The following DMD variants were observed in gnomAD, a reference collection of about 807,000 sequenced individuals.
DMD encodes mutant dystrophin.
DMD carries 63 observed loss-of-function variants against 330.1 expected under a neutral mutation model. The observed-to-expected ratio is 0.19, with a 90% confidence interval of 0.16 to 0.24. The LOEUF is 0.24. DMD is among the 10% of genes least tolerant of loss of function. The probability of loss-of-function intolerance (pLI) is 1.00; values close to 1 mark genes in which losing one functional copy is unlikely to be tolerated. For missense variants in DMD, 3,344 were observed against 2,684.1 expected (o/e 1.25, Z -5.43); for synonymous variants, 1,223 against 959.8 (o/e 1.27, Z -5.07).
intron 77 of DMD, among the ~76,000 whole-genome samples, chrX:31,129,676 A>G (rs2034222052): frequency 8.9e-6 from 1 of 111,803 alleles, no homozygotes; most frequent in Non-Finnish European, 1.9e-5. Flanking sequence ...AAAAACAGGT[A>G]TTGGGCCAGA....
At chrX:33,051,641 G>A in intron 1 of DMD, among the ~76,000 whole-genome samples, 1 of 87,521 alleles carries the variant, frequency 1.1e-5, no homozygotes, top group East Asian at 3.5e-4. Flanking sequence ...ATATAATTAC[G>A]CTCTATTTTT....
chrX:32,677,300 A>C (rs760632306), intron 9 of DMD, among the ~76,000 whole-genome samples: 43 of 111,484 alleles, frequency 3.9e-4, no homozygotes, highest in African/African-American at 1.4e-3. Context: ...TTTATATCTT[A>C]ACTTTGTAGT....
intron 2 of DMD, among the ~76,000 whole-genome samples, chrX:33,017,823 T>C (rs2093832902): frequency 9.0e-6 from 1 of 111,680 alleles, no homozygotes; most frequent in African/African-American, 3.3e-5. Flanking sequence ...CAAATAACTG[T>C]GTAGGTTCCA....
intron 16 of DMD, among the ~76,000 whole-genome samples, chrX:32,563,096 T>C (rs1037837808): frequency 9.0e-5 from 10 of 110,498 alleles, no homozygotes; most frequent in Non-Finnish European, 1.3e-4. Context: ...ATCTCAGCAC[T>C]TTGGGAGGCC....
At chrX:32,517,849 T>G in intron 18 of DMD, 159 bp downstream of exon 18, 1 of 603,746 alleles carries the variant, frequency 1.7e-6, no homozygotes, top group Non-Finnish European at 2.6e-6. Context: ...GGCTAAACTT[T>G]GATTTTGCTT....
At chrX:33,027,727 A>G (rs142308478) in intron 1 of DMD, among the ~76,000 whole-genome samples, 38 of 112,089 alleles carry the variant, frequency 3.4e-4, no homozygotes, top group Admixed American at 3.1e-3. Flanking sequence ...CAGTCATGTG[A>G]CAATCATATA....
chrX:32,746,477 C>CT (rs1321536231), intron 7 of DMD, among the ~76,000 whole-genome samples: 1 of 111,705 alleles, frequency 9.0e-6, no homozygotes, highest in Non-Finnish European at 1.9e-5. Flanking sequence ...CACCTGGGAC[C>CT]TTTTTAGAAA....
intron 19 of DMD, among the ~76,000 whole-genome samples, chrX:32,501,141 G>C (rs944401163): frequency 3.6e-5 from 4 of 111,701 alleles, no homozygotes; most frequent in African/African-American, 6.5e-5. Context: ...GAGGCACTGA[G>C]TATTAGAAAA....
intron 2 of DMD, among the ~76,000 whole-genome samples, chrX:32,892,937 T>A (rs1483453073): frequency 8.9e-6 from 1 of 111,750 alleles, no homozygotes; most frequent in African/African-American, 3.3e-5. Context: ...GATATTTTCA[T>A]GATTTTATGA....
intron 63 of DMD, among the ~76,000 whole-genome samples, chrX:31,229,869 G>A (rs112159228): frequency 1.8e-5 from 2 of 112,220 alleles, no homozygotes; most frequent in African/African-American, 6.5e-5. Context: ...CAGATGACAA[G>A]TATTATTCTT....
At chrX:31,641,218 G>T (rs1430195707) in intron 54 of DMD, among the ~76,000 whole-genome samples, 1 of 110,814 alleles carries the variant, frequency 9.0e-6, no homozygotes, top group Non-Finnish European at 1.9e-5. Context: ...GAAATAAGGA[G>T]GGATCGGCCA....
intron 55 of DMD, among the ~76,000 whole-genome samples, chrX:31,594,836 T>A (rs1411121572): frequency 1.8e-5 from 2 of 111,388 alleles, no homozygotes; most frequent in African/African-American, 6.5e-5. Flanking sequence ...AAGGGAAGTT[T>A]CACCTTTCCT....
At chrX:32,762,179 T>TA (rs1569513027) in intron 7 of DMD, among the ~76,000 whole-genome samples, 5 of 97,000 alleles carry the variant, frequency 5.2e-5, no homozygotes, top group Admixed American at 1.2e-4. Context: ...AAAAAAAAAA[T>TA]CAAAAAAAAC....
intron 2 of DMD, among the ~76,000 whole-genome samples, chrX:32,972,943 C>T (rs994935352): frequency 3.3e-4 from 37 of 111,508 alleles, no homozygotes; most frequent in African/African-American, 9.1e-4. Flanking sequence ...TAAAGTTTGT[C>T]TAGGATGCCA....
chrX:32,724,222 T>C (rs1196944903), intron 7 of DMD, among the ~76,000 whole-genome samples: 1 of 111,641 alleles, frequency 9.0e-6, no homozygotes, highest in African/African-American at 3.2e-5. Flanking sequence ...AAAGTAATAA[T>C]AAACTCTAAA....
rs146979960 is a variant in DMD at position 31,720,133 on chromosome X, T to C, written c.7660+9498A>G. 7.9e-3 allele frequency among the ~76,000 whole-genome samples: 893 copies of C among 112,384 alleles called. 11 individuals are homozygous for C. The highest frequency in any genetic ancestry group is 0.027 in the African/African-American group (846 of 30,991). On this transcript the variant is annotated intron_variant, in intron 52 of 78. Coordinates refer to ENST00000357033, the MANE Select transcript of DMD (RefSeq NM_004006.3). ...AACAAGCTCGGCTTTCCCCTTTTCATGTAGAAAGGTCACAATCTATTAATC... is the reference window on the plus strand; with the variant it reads ...AACAAGCTCGGCTTTCCCCTTTTCACGTAGAAAGGTCACAATCTATTAATC...
chrX:33,117,627 A>C (rs2095394962), intron 1 of DMD, among the ~76,000 whole-genome samples: 1 of 111,333 alleles, frequency 9.0e-6, no homozygotes, highest in African/African-American at 3.3e-5. Context: ...GTATTTTTAG[A>C]TATGAAAACT....
At chrX:32,082,251 A>T (rs1486857762) in intron 44 of DMD, among the ~76,000 whole-genome samples, 1 of 110,977 alleles carries the variant, frequency 9.0e-6, no homozygotes, top group Non-Finnish European at 1.9e-5. Context: ...TCGAGACAGG[A>T]TCTCACTCTG....
chrX:32,801,459 G>A (rs1305042828), intron 7 of DMD, among the ~76,000 whole-genome samples: 2 of 111,545 alleles, frequency 1.8e-5, no homozygotes, highest in African/African-American at 6.5e-5. Context: ...CCATCCTATA[G>A]GCTGCCTGTT....
Sources: allele counts gnomAD v4.1 joint callset (sites outside exome capture counted in the v4.1 genomes callset), GRCh38; gene constraint gnomAD v4.1.1; transcripts MANE v1.5; gene names NCBI Gene and HGNC (gene_info 2026-07-23, HGNC 2026-07-21).